Variants in PCCA observed in about 807,000 individuals in gnomAD.
PCCA encodes the protein propionyl-CoA carboxylase subunit alpha.
Under a neutral mutation model 101.3 loss-of-function variants are expected in PCCA, and 74 were observed. That is an observed-to-expected ratio of 0.73 (90% confidence interval 0.61 to 0.89). PCCA has a LOEUF of 0.89. PCCA is among the 40% of genes least tolerant of loss of function. PCCA has a pLI of 0.00. For missense variants in PCCA, 891 were observed against 907.0 expected, an observed-to-expected ratio of 0.98 and a Z score of 0.23; for synonymous variants, 294 against 313.6, an observed-to-expected ratio of 0.94 and a Z score of 0.66.
intron 15 of PCCA, among the ~76,000 whole-genome samples, chr13:100,308,597 A>T (rs190564881): frequency 2.0e-5 from 3 of 152,308 alleles, no homozygotes; most frequent in Admixed American, 2.0e-4. Context: ...AAGTGCTGGG[A>T]TTACAAACGT....
At chr13:100,091,956 C>G (rs561534477) in intron 1 of PCCA, among the ~76,000 whole-genome samples, 1 of 152,020 alleles carries the variant, frequency 6.6e-6, no homozygotes, top group South Asian at 2.1e-4. Context: ...GGGTCTCGCT[C>G]TGTTGCCAGG....
chr13:100,470,514 G>T (rs1317556229), intron 21 of PCCA, among the ~76,000 whole-genome samples: 1 of 152,040 alleles, frequency 6.6e-6, no homozygotes, highest in Admixed American at 6.5e-5. Flanking sequence ...ATTTGTACAA[G>T]ACCCCCTAAG....
intron 4 of PCCA, chr13:100,150,524 G>T: frequency 7.4e-7 from 1 of 1,352,444 alleles, no homozygotes; most frequent in African/African-American, 1.4e-5. Context: ...CCTTCTCCAA[G>T]CTCCCCGGCG....
At chr13:100,300,735 G>A (rs1595198871) in intron 12 of PCCA, among the ~76,000 whole-genome samples, 1 of 152,222 alleles carries the variant, frequency 6.6e-6, no homozygotes, top group South Asian at 2.1e-4. Flanking sequence ...ATCCCTGTTT[G>A]TGTACCTATA....
intron 4 of PCCA, among the ~76,000 whole-genome samples, chr13:100,142,315 A>T (rs933410683): frequency 1.3e-5 from 2 of 152,110 alleles, no homozygotes; most frequent in Admixed American, 6.5e-5. Context: ...AGACAGGTGG[A>T]TTATAGCCCT....
intron 20 of PCCA, among the ~76,000 whole-genome samples, chr13:100,441,989 C>CT (rs776208311): frequency 0.25 from 31,509 of 128,340 alleles, 3,550 homozygotes; most frequent in East Asian, 0.38. Flanking sequence ...TTCCTTTTTT[C>CT]TTTTTTTTTT....
chr13:100,448,584 A>G (rs189812072), intron 20 of PCCA, among the ~76,000 whole-genome samples: 1 of 152,316 alleles, frequency 6.6e-6, no homozygotes, highest in Non-Finnish European at 1.5e-5. Context: ...AGTAGTAGTT[A>G]CTTTTAACTA....
At chr13:100,438,602 C>T (rs2080115330) in intron 20 of PCCA, among the ~76,000 whole-genome samples, 1 of 152,134 alleles carries the variant, frequency 6.6e-6, no homozygotes, top group Admixed American at 6.6e-5. Context: ...TGGAGGATGC[C>T]TTTAATTGCC....
At chr13:100,146,128 A>G (rs1400673943) in intron 4 of PCCA, among the ~76,000 whole-genome samples, 3 of 150,530 alleles carry the variant, frequency 2.0e-5, no homozygotes, top group African/African-American at 7.3e-5. Flanking sequence ...TTTAGCAGAG[A>G]TGGGGTTTTG....
intron 12 of PCCA, among the ~76,000 whole-genome samples, chr13:100,280,180 G>A (rs1007815370): frequency 1.1e-4 from 17 of 151,632 alleles, no homozygotes; most frequent in African/African-American, 4.1e-4. Flanking sequence ...TTCTCAATCT[G>A]GTCACAGTTT....
chr13:100,267,858 G>A (rs2063048413), intron 10 of PCCA, among the ~76,000 whole-genome samples: 1 of 152,058 alleles, frequency 6.6e-6, no homozygotes, highest in Admixed American at 6.5e-5. Context: ...ATTATTCATT[G>A]TTTATCTGAA....
chr13:100,110,830 C>T (rs1162337231), intron 2 of PCCA, among the ~76,000 whole-genome samples: 6 of 151,830 alleles, frequency 4.0e-5, no homozygotes, highest in East Asian at 1.9e-4. Context: ...TTTTTTGAGA[C>T]GGAATCTTGC....
In PCCA at chr13:100,118,082, G is replaced by C. The variant is rs113303660; in HGVS notation, c.300+6021G>C. ...AGTGAGCTGAGATCGTGCCACTGCA[G>C]TCCAGCCTGGGCGACAGAGCAAGAC... On this transcript the variant is annotated intron_variant, in intron 4 of 23. Coordinates refer to ENST00000376285, the MANE Select transcript of PCCA (RefSeq NM_000282.4). Among the ~76,000 whole-genome samples, 174 of 148,368 alleles carry C rather than the reference G, an allele frequency of 1.2e-3. 2 individuals are homozygous for C. Among genetic ancestry groups the C allele is most frequent in the African/African-American group, 3.4e-3 (136 of 39,982 alleles).
chr13:100,416,339 G>A lies in PCCA; in HGVS notation c.1747-9294G>A, dbSNP rs535321380. Among the ~76,000 whole-genome samples the A allele has an allele frequency of 2.6e-5, 4 of 151,888 alleles. No individual in the cohort carries two copies. The East Asian group carries it at 7.8e-4, about 30-fold the overall frequency. On this transcript the variant is annotated intron_variant, in intron 19 of 23. Coordinates refer to ENST00000376285, the MANE Select transcript of PCCA (RefSeq NM_000282.4). The stretch of plus-strand genomic sequence containing the variant: ...TGGGATTACAGGTGCCCACGACCAT[G>A]CCCATCTAATTTTTATATTTTTAGT...
intron 19 of PCCA, among the ~76,000 whole-genome samples, chr13:100,373,060 A>C (rs572681623): frequency 6.6e-6 from 1 of 152,182 alleles, no homozygotes; most frequent in African/African-American, 2.4e-5. Context: ...ATAAGAGTTT[A>C]ATATCTGGAA....
chr13:100,526,676 C>T (rs557403050), intron 22 of PCCA, among the ~76,000 whole-genome samples: 2 of 152,384 alleles, frequency 1.3e-5, no homozygotes, highest in South Asian at 2.1e-4. Flanking sequence ...GGAACCTGGA[C>T]TTGCCCGTTT....
At chr13:100,367,685 G>A (rs1305099835) in intron 18 of PCCA, among the ~76,000 whole-genome samples, 11 of 147,002 alleles carry the variant, frequency 7.5e-5, no homozygotes, top group Admixed American at 3.4e-4. Flanking sequence ...TCGGCCAGGC[G>A]CGGTGGCTCA....
At chr13:100,311,530 G>A (rs542085546) in intron 16 of PCCA, among the ~76,000 whole-genome samples, 2 of 152,166 alleles carry the variant, frequency 1.3e-5, no homozygotes, top group African/African-American at 4.8e-5. Context: ...AGCACTTTGG[G>A]AGGCTGAGGA....
intron 9 of PCCA, among the ~76,000 whole-genome samples, chr13:100,259,218 G>A (rs1021529657): frequency 1.3e-5 from 2 of 151,984 alleles, no homozygotes; most frequent in Non-Finnish European, 2.9e-5. Context: ...TTATCCTAAG[G>A]GGTGTCTTTT....
Sources: gnomAD v4.1 joint callset for allele counts (sites outside exome capture counted in the v4.1 genomes callset) on GRCh38, gnomAD v4.1.1 for gene constraint, MANE v1.5 for transcripts, NCBI Gene and HGNC (gene_info 2026-07-23, HGNC 2026-07-21) for gene names.